PAPPA2: variants seen among roughly 807,000 people sequenced by gnomAD.
PAPPA2 encodes the protein pappalysin 2, also known as pappalysin-2.
Under a neutral mutation model 176.4 loss-of-function variants are expected in PAPPA2, and 86 were observed. The observed-to-expected ratio is 0.49, with a 90% CI of 0.41 to 0.58. PAPPA2 has a LOEUF of 0.58. Among genes scored for constraint, PAPPA2 ranks in the 20% least tolerant of loss-of-function variants. The pLI, the probability that PAPPA2 is intolerant of heterozygous loss-of-function variation, is 0.00. For synonymous variants in PAPPA2, 809 were observed against 852.2 expected (o/e 0.95, Z 0.88); for missense variants, 2,073 against 2,256.9 (o/e 0.92, Z 1.65).
chr1:176,581,598 G>T (rs1029313698), intron 2 of PAPPA2, among the ~76,000 whole-genome samples: 1 of 152,150 alleles, frequency 6.6e-6, no homozygotes, highest in Non-Finnish European at 1.5e-5. Context: ...AATATGAGAT[G>T]TCTTTTCATT....
intron 21 of PAPPA2, among the ~76,000 whole-genome samples, chr1:176,833,161 C>T (rs1289948088): frequency 6.6e-6 from 1 of 152,180 alleles, no homozygotes; most frequent in Non-Finnish European, 1.5e-5. Context: ...CACCCTTGCC[C>T]TTCCAGGAGA....
chr1:176,556,497 C>T lies in PAPPA2; in HGVS notation c.175C>T (p.Pro59Ser). Reference sequence around the variant, plus strand: ...TTGGCTGGGGGCCAAGGTTCGAAGACCCAGAGCTTCTCCACAGCATCACCT... The same window carrying T: ...TTGGCTGGGGGCCAAGGTTCGAAGATCCAGAGCTTCTCCACAGCATCACCT... Reference protein sequence around the residue: ...RCWLGAKVRRPRASPQHHLFG... With the variant: ...RCWLGAKVRRSRASPQHHLFG... Residue 59 changes from proline (P) to serine (S), a missense_variant, in exon 2 of 23, where the codon CCC becomes TCC. Transcript: ENST00000367662. The T allele has an allele frequency of 6.2e-7, 1 of 1,614,158 alleles. No individual in the cohort carries two copies. Among genetic ancestry groups the T allele is most frequent in the Admixed American group, 1.7e-5 (1 of 60,028 alleles).
At chr1:176,684,974 G>A (rs756827013) in intron 4 of PAPPA2, among the ~76,000 whole-genome samples, 2 of 152,132 alleles carry the variant, frequency 1.3e-5, no homozygotes, top group African/African-American at 2.4e-5. Flanking sequence ...AAGCATGAGC[G>A]ACTTAGAGGA....
intron 15 of PAPPA2, among the ~76,000 whole-genome samples, chr1:176,767,599 C>CAG (rs1358600246): frequency 1.1e-4 from 17 of 152,260 alleles, no homozygotes; most frequent in Non-Finnish European, 1.6e-4. Context: ...GCCCACCTTG[C>CAG]CCTCCCAAAG....
chr1:176,757,650 G>T (rs1030691100), intron 14 of PAPPA2, among the ~76,000 whole-genome samples: 1 of 152,150 alleles, frequency 6.6e-6, no homozygotes, highest in Non-Finnish European at 1.5e-5. Flanking sequence ...CCATTCTGTA[G>T]GTTGCCTGTT....
At chr1:176,645,013 T>C (rs1657317019) in intron 3 of PAPPA2, among the ~76,000 whole-genome samples, 1 of 151,882 alleles carries the variant, frequency 6.6e-6, no homozygotes, top group African/African-American at 2.4e-5. Flanking sequence ...GATAATTAAA[T>C]ATATTCATAT....
At chr1:176,650,562 C>T (rs1026462280) in intron 3 of PAPPA2, among the ~76,000 whole-genome samples, 3 of 151,582 alleles carry the variant, frequency 2.0e-5, no homozygotes, top group Non-Finnish European at 3.0e-5. Context: ...TCCCACATCC[C>T]CCCACCCCAT....
At chr1:176,792,348 C>G (rs893920729) in intron 19 of PAPPA2, among the ~76,000 whole-genome samples, 31 of 152,298 alleles carry the variant, frequency 2.0e-4, no homozygotes, top group Non-Finnish European at 5.9e-5. Context: ...GTAATTTTAT[C>G]GGACATTCTA....
At chr1:176,689,559 C>A (rs1660005316) in intron 4 of PAPPA2, among the ~76,000 whole-genome samples, 1 of 152,092 alleles carries the variant, frequency 6.6e-6, no homozygotes. Context: ...CACTGAAAAA[C>A]AAACAAACAA....
intron 2 of PAPPA2, among the ~76,000 whole-genome samples, chr1:176,583,585 T>C (rs139577427): frequency 1.0e-3 from 152 of 152,304 alleles, no homozygotes; most frequent in African/African-American, 3.4e-3. Flanking sequence ...AGATAAGATA[T>C]TTGATGTTAT....
intron 3 of PAPPA2, among the ~76,000 whole-genome samples, chr1:176,670,736 A>G (rs1253014999): frequency 1.3e-5 from 2 of 152,332 alleles, no homozygotes; most frequent in South Asian, 2.1e-4. Flanking sequence ...TGGAGTATCC[A>G]TACAAACATT....
At chr1:176,777,015 T>C (rs1229453735) in intron 17 of PAPPA2, among the ~76,000 whole-genome samples, 1 of 152,114 alleles carries the variant, frequency 6.6e-6, no homozygotes, top group Non-Finnish European at 1.5e-5. Flanking sequence ...CTCCAAAAAC[T>C]GTGCTATTGG....
chr1:176,712,057 GTA>G, intron 12 of PAPPA2, 76 bp downstream of exon 12: 1 of 1,346,296 alleles, frequency 7.4e-7, no homozygotes, highest in Non-Finnish European at 1.0e-6. Flanking sequence ...GTGTGTGTGT[GTA>G]AATGGTGCAT....
At chr1:176,571,366 G>A (rs1652318513) in intron 2 of PAPPA2, among the ~76,000 whole-genome samples, 1 of 152,176 alleles carries the variant, frequency 6.6e-6, no homozygotes, top group African/African-American at 2.4e-5. Context: ...TACTAGCTGT[G>A]GGAACTTGGC....
intron 1 of PAPPA2, among the ~76,000 whole-genome samples, chr1:176,543,655 C>T (rs1398184888): frequency 1.3e-5 from 2 of 152,176 alleles, no homozygotes; most frequent in African/African-American, 4.8e-5. Flanking sequence ...TCCAATGCCA[C>T]ACCTGGGGAT....
In PAPPA2 at chr1:176,542,483, T is replaced by C. The variant is rs527945408; in HGVS notation, c.-916-12924T>C. ...CTGAGAAATGTTCTTTGTTACAGGC[T>C]GTCAGACAGCCTGTGCTGTCTGATG... On this transcript the variant is annotated intron_variant, in intron 1 of 22. Transcript: ENST00000367662. 8.9e-4 allele frequency among the ~76,000 whole-genome samples: 135 copies of C among 152,358 alleles called. 1 individual carries two copies. Among genetic ancestry groups the C allele is most frequent in the Admixed American group, 8.8e-3 (135 of 15,302 alleles).
At chr1:176,550,603 T>C (rs752738952) in intron 1 of PAPPA2, among the ~76,000 whole-genome samples, 7 of 152,172 alleles carry the variant, frequency 4.6e-5, no homozygotes, top group African/African-American at 7.2e-5. Flanking sequence ...CCCCGAGGTG[T>C]TGGGAAACTT....
chr1:176,725,728 G>T (rs1332561391), intron 12 of PAPPA2, among the ~76,000 whole-genome samples: 2 of 152,170 alleles, frequency 1.3e-5, no homozygotes, highest in Non-Finnish European at 1.5e-5. Flanking sequence ...ACACTCACGG[G>T]TTTAGTCATT....
rs374020467 is a variant in PAPPA2 at position 176,632,031 on chromosome 1, C to T, written c.1991+36436C>T. Among the ~76,000 whole-genome samples, 8 of 152,102 alleles carry T rather than the reference C, an allele frequency of 5.3e-5. No individual in the cohort carries two copies. The East Asian group carries it at 1.4e-3, about 26-fold the overall frequency. On this transcript the variant is annotated intron_variant, in intron 3 of 22. Transcript: ENST00000367662. ...AGTAGCAAGTTAAGGGAAGTGTTGT[C>T]ATGTAGCTTCTGTTTTCTCATTAAG...
Sources: gnomAD v4.1 joint callset for allele counts (sites outside exome capture counted in the v4.1 genomes callset) on GRCh38, gnomAD v4.1.1 for gene constraint, MANE v1.5 for transcripts, NCBI Gene and HGNC (gene_info 2026-07-23, HGNC 2026-07-21) for gene names.